Variants in L3MBTL4 observed in about 807,000 individuals in gnomAD.
The protein encoded by L3MBTL4 is lethal(3)malignant brain tumor-like protein 4.
Under a neutral mutation model 84.5 loss-of-function variants are expected in L3MBTL4, and 70 were observed. The observed-to-expected ratio is 0.83, with a 90% CI of 0.68 to 1.01. The LOEUF (loss-of-function observed/expected upper bound fraction) is 1.01, where lower values mean the gene tolerates loss of function less well. L3MBTL4 is among the 50% of genes least tolerant of loss of function. The probability of loss-of-function intolerance (pLI) is 0.00; values close to 1 mark genes in which losing one functional copy is unlikely to be tolerated. For synonymous variants in L3MBTL4, 274 were observed against 259.8 expected, an observed-to-expected ratio of 1.05 and a Z score of -0.52; for missense variants, 715 against 754.8, an observed-to-expected ratio of 0.95 and a Z score of 0.62.
intron 14 of L3MBTL4, among the ~76,000 whole-genome samples, chr18:6,115,348 C>T (rs939665147): frequency 2.8e-4 from 42 of 152,020 alleles, no homozygotes; most frequent in Admixed American, 1.7e-3. Flanking sequence ...GTGAATATGG[C>T]GATGAAGAGG....
intron 16 of L3MBTL4, among the ~76,000 whole-genome samples, chr18:6,076,911 T>C (rs1268411657): frequency 2.6e-5 from 4 of 152,116 alleles, no homozygotes; most frequent in East Asian, 3.9e-4. Flanking sequence ...GCCGTGAGAG[T>C]GACATCTCTT....
intron 14 of L3MBTL4, among the ~76,000 whole-genome samples, chr18:6,137,005 T>C (rs1047948475): frequency 2.0e-5 from 3 of 152,228 alleles, no homozygotes; most frequent in Admixed American, 6.5e-5. Context: ...TTACTTCCTT[T>C]TGCTCCTGCT....
At chr18:6,249,146 C>T (rs2047815017) in intron 5 of L3MBTL4, among the ~76,000 whole-genome samples, 1 of 152,114 alleles carries the variant, frequency 6.6e-6, no homozygotes, top group African/African-American at 2.4e-5. Flanking sequence ...CTGTTCACTG[C>T]TTTGAAATTT....
At chr18:6,322,452 A>AGGAG (rs2051460683) in intron 1 of L3MBTL4, among the ~76,000 whole-genome samples, 1 of 125,920 alleles carries the variant, frequency 7.9e-6, no homozygotes. Context: ...GAAAGAAGGA[A>AGGAG]GGATGGAAGG....
chr18:6,407,845 A>T (rs1184822595), intron 1 of L3MBTL4, among the ~76,000 whole-genome samples: 1 of 152,216 alleles, frequency 6.6e-6, no homozygotes, highest in African/African-American at 2.4e-5. Flanking sequence ...TAGAAAAGTA[A>T]AATTCCACAC....
chr18:6,411,064 A>T (rs1267937743), intron 1 of L3MBTL4, among the ~76,000 whole-genome samples: 2 of 152,234 alleles, frequency 1.3e-5, no homozygotes, highest in African/African-American at 4.8e-5. Context: ...TTGCATAATA[A>T]AATATGGATA....
intron 1 of L3MBTL4, among the ~76,000 whole-genome samples, chr18:6,377,983 T>G (rs1349400442): frequency 6.6e-6 from 1 of 152,216 alleles, no homozygotes; most frequent in Admixed American, 6.5e-5. Flanking sequence ...CAGCACCTGT[T>G]GTTTCCTGAC....
intron 14 of L3MBTL4, among the ~76,000 whole-genome samples, chr18:6,108,727 G>T (rs1450171857): frequency 6.6e-6 from 1 of 151,886 alleles, no homozygotes; most frequent in African/African-American, 2.4e-5. Flanking sequence ...TGCTTTTTGG[G>T]GTACATGTGG....
intron 16 of L3MBTL4, among the ~76,000 whole-genome samples, chr18:6,051,013 G>A (rs996589882): frequency 6.6e-6 from 1 of 152,162 alleles, no homozygotes; most frequent in African/African-American, 2.4e-5. Context: ...GGCTGCAAGA[G>A]CCTGTGATGT....
intron 4 of L3MBTL4, among the ~76,000 whole-genome samples, chr18:6,276,654 TAAA>T (rs60947386): frequency 4.0e-5 from 5 of 125,144 alleles, no homozygotes; most frequent in African/African-American, 1.1e-4. Flanking sequence ...AACAAAGCAT[TAAA>T]AAAAAAAAAA....
intron 14 of L3MBTL4, among the ~76,000 whole-genome samples, chr18:6,124,630 T>C (rs1193262893): frequency 6.6e-6 from 1 of 152,072 alleles, no homozygotes; most frequent in African/African-American, 2.4e-5. Flanking sequence ...CAAATTGCTT[T>C]CAAGGGTGAA....
chr18:6,347,307 C>T (rs1348464216), intron 1 of L3MBTL4, among the ~76,000 whole-genome samples: 1 of 151,670 alleles, frequency 6.6e-6, no homozygotes, highest in Non-Finnish European at 1.5e-5. Context: ...TGGTTAAAGT[C>T]TGTTAAGAGG....
intron 1 of L3MBTL4, chr18:6,398,097 G>A (rs894318677): frequency 4.0e-5 from 6 of 149,778 alleles, no homozygotes; most frequent in African/African-American, 1.2e-4. Flanking sequence ...ATTAAAAGTT[G>A]GCAACTCTCT....
chr18:6,170,225 T>C (rs1462619327), intron 13 of L3MBTL4, among the ~76,000 whole-genome samples: 1 of 152,140 alleles, frequency 6.6e-6, no homozygotes. Context: ...GCTCTAGATT[T>C]TAGATTTATC....
chr18:6,109,739 T>C (rs1223375568), intron 14 of L3MBTL4, among the ~76,000 whole-genome samples: 1 of 151,566 alleles, frequency 6.6e-6, no homozygotes, highest in Non-Finnish European at 1.5e-5. Flanking sequence ...CCAGGGAGAG[T>C]CTCAACATGC....
At chr18:5,963,041 A>G (rs987277877) in intron 17 of L3MBTL4, among the ~76,000 whole-genome samples, 2 of 152,192 alleles carry the variant, frequency 1.3e-5, no homozygotes, top group Non-Finnish European at 2.9e-5. Context: ...TCACTTTTTC[A>G]TAGTGTCATA....
chr18:6,132,303 C>T (rs944105094), intron 14 of L3MBTL4, among the ~76,000 whole-genome samples: 1 of 152,168 alleles, frequency 6.6e-6, no homozygotes, highest in Admixed American at 6.5e-5. Flanking sequence ...TTTGTCTTCT[C>T]CATTCTAGAT....
chr18:6,059,810 AGCCTAGAGGCCATTAGAAT>A (rs1289358404), intron 16 of L3MBTL4, among the ~76,000 whole-genome samples: 9 of 152,190 alleles, frequency 5.9e-5, no homozygotes, highest in Admixed American at 3.9e-4. Flanking sequence ...AGCACCTCCA[AGCCTAGAGGCCATTAGAAT>A]GCCTAGAGGC....
intron 16 of L3MBTL4, among the ~76,000 whole-genome samples, chr18:6,056,636 C>T (rs751612601): frequency 4.2e-4 from 64 of 152,116 alleles, no homozygotes; most frequent in Non-Finnish European, 8.2e-4. Context: ...AGCCACAAAG[C>T]GAGTTTGTGG....
Sources: allele counts gnomAD v4.1 joint callset (sites outside exome capture counted in the v4.1 genomes callset), GRCh38; gene constraint gnomAD v4.1.1; transcripts MANE v1.5; gene names NCBI Gene and HGNC (gene_info 2026-07-23, HGNC 2026-07-21).